ADAT1: variants seen among roughly 807,000 people sequenced by gnomAD.
ADAT1 encodes tRNA-specific adenosine deaminase 1.
A neutral mutation model predicts 58.6 loss-of-function variants in ADAT1; 58 were observed. That is an observed-to-expected ratio of 0.99 (90% CI 0.80 to 1.23). The LOEUF (loss-of-function observed/expected upper bound fraction) is 1.23. Ranked by LOEUF, ADAT1 falls within the 50% of genes most tolerant of loss-of-function variation. ADAT1 has a pLI of 0.00. For synonymous variants in ADAT1, 254 were observed against 220.8 expected (o/e 1.15, Z -1.33); for missense variants, 741 against 608.6 (o/e 1.22, Z -2.29).
intron 5 of ADAT1, among the ~76,000 whole-genome samples, chr16:75,615,460 G>T (rs1021264293): frequency 1.8e-5 from 1 of 55,802 alleles, no homozygotes; most frequent in Admixed American, 1.9e-4. Context: ...ATACACGAAC[G>T]CAAACGATAG....
At position 75,621,144 on chromosome 16, in the gene ADAT1, G is replaced by C. The variant is rs371638622; in HGVS notation, c.-21-324C>G. Among the ~76,000 whole-genome samples the C allele has an allele frequency of 3.9e-5, 6 of 152,040 alleles. No individual in the cohort carries two copies. The East Asian group carries it at 5.9e-4, about 15-fold the overall frequency. On this transcript the variant is annotated intron_variant, in intron 1 of 9. Coordinates refer to ENST00000564657, the MANE Select transcript of ADAT1 (RefSeq NM_001324445.2). ...AGAAGGAAATGTCCTCACTACTCCA[G>C]TTTTCACTGGAAACGGCATGTAAAG...
rs1158935675 is a variant in ADAT1, at chr16:75,599,211, AG to A, written c.*1004del. ...ATTCTCCTGCCTCAGCCTCCCGAGT[AG>A]CTAGGATTACAGGTGTGCGCCACCA... On this transcript the variant is annotated 3_prime_UTR_variant, in exon 10 of 10. Transcript: ENST00000564657. 1.2e-6 allele frequency: 1 copy of A among 855,754 alleles called. No homozygotes were observed. Among genetic ancestry groups the A allele is most frequent in the East Asian group, 1.2e-4 (1 of 8,008 alleles). 53.0% of individuals were successfully genotyped at this position (855,754 alleles called of 1,614,324 possible). A position where few individuals can be genotyped will look rare whatever the true frequency, so the allele number is the denominator to read the frequency against.
In ADAT1 at chr16:75,599,632, G is replaced by A; in HGVS notation, c.*584C>T. On this transcript the variant is annotated 3_prime_UTR_variant, in exon 10 of 10. Coordinates refer to ENST00000564657, the MANE Select transcript of ADAT1 (RefSeq NM_001324445.2). ...ACCCTTACAGCTCCAGATCAAAACAGAAAGCCTTTCCTGATACCTCTGAGA... is the reference window on the plus strand; with the variant it reads ...ACCCTTACAGCTCCAGATCAAAACAAAAAGCCTTTCCTGATACCTCTGAGA... 3 of 985,886 alleles carry A rather than the reference G, an allele frequency of 3.0e-6. No homozygotes were observed. The highest frequency in any genetic ancestry group is 2.4e-6 in the Non-Finnish European group (2 of 830,020). The allele number at this position is 985,886 out of a possible 1,614,324, so 61.1% of individuals were successfully genotyped here.
In ADAT1 at chr16:75,620,678, T is replaced by C. The variant is rs1178132720; in HGVS notation, c.122A>G (p.Gln41Arg). ...GTCGCAGGCCTTGTCAGCTGGAGATTGTATCTTCACCACCGCTGCCAATAA... is the reference window on the plus strand; with the variant it reads ...GTCGCAGGCCTTGTCAGCTGGAGATCGTATCTTCACCACCGCTGCCAATAA... ...WTLLAAVVKI[Q>R]SPADKACDTP... The change falls in exon 2 of 10, where the codon CAA becomes CGA. Residue 41 changes from glutamine to arginine, a missense_variant. Gln to Arg is a conservative substitution (Grantham distance 43). Transcript: ENST00000564657. 6.2e-7 allele frequency: 1 copy of C among 1,613,974 alleles called. No homozygotes were observed. The highest frequency in any genetic ancestry group is 1.7e-5 in the Admixed American group (1 of 60,026).
intron 8 of ADAT1, among the ~76,000 whole-genome samples, chr16:75,606,779 T>C (rs2081382816): frequency 6.6e-6 from 1 of 152,254 alleles, no homozygotes; most frequent in Non-Finnish European, 1.5e-5. Context: ...ATTGTTGTTT[T>C]AAGCTGTTAT....
chr16:75,618,147 A>C (rs1046216569), intron 4 of ADAT1, among the ~76,000 whole-genome samples: 1 of 149,126 alleles, frequency 6.7e-6, no homozygotes, highest in Non-Finnish European at 1.5e-5. Flanking sequence ...AGTCTAGACC[A>C]CATTACTACT....
chr16:75,618,054 C>T (rs2081793142), intron 4 of ADAT1, among the ~76,000 whole-genome samples: 2 of 124,962 alleles, frequency 1.6e-5, no homozygotes, highest in South Asian at 5.5e-4. Context: ...GCTGAGATCA[C>T]ATCACTGCAC....
At chr16:75,609,807 G>A (rs373215715) in intron 6 of ADAT1, among the ~76,000 whole-genome samples, 2 of 151,992 alleles carry the variant, frequency 1.3e-5, no homozygotes, top group Non-Finnish European at 2.9e-5. Context: ...GGTCTCAAGC[G>A]ATCCTCCCAC....
chr16:75,604,383 A>G (rs917663544), intron 8 of ADAT1, among the ~76,000 whole-genome samples: 6 of 140,642 alleles, frequency 4.3e-5, no homozygotes, highest in African/African-American at 1.6e-4. Flanking sequence ...CAGTGAGCCA[A>G]GACTGTCCCA....
chr16:75,615,608 G>A (rs1233889702), intron 5 of ADAT1, among the ~76,000 whole-genome samples: 3 of 151,574 alleles, frequency 2.0e-5, no homozygotes, highest in African/African-American at 7.3e-5. Context: ...TAGCCAGGCA[G>A]GCCGTGGGTT....
chr16:75,604,494 C>T lies in ADAT1; in HGVS notation c.1290-1323G>A, dbSNP rs1471153192. Among the ~76,000 whole-genome samples the T allele has an allele frequency of 2.8e-4, 35 of 126,882 alleles. 1 individual carries two copies. The South Asian group carries it at 0.01, about 38-fold the overall frequency. 83.2% of individuals were successfully genotyped at this position (126,882 alleles called of 152,430 possible). ...ATATATACACACACACACACACACA[C>T]ACACACACACACACACACACACACA... On this transcript the variant is annotated intron_variant, in intron 8 of 9. Transcript: ENST00000564657.
In ADAT1 at chr16:75,599,983, C is replaced by T; in HGVS notation, c.*233G>A. Reference sequence around the variant, plus strand: ...TTCATATTTTAGAGAAGCAATAAAACACAATGGAAGTCAGATAGTGAGGTC... The same window carrying T: ...TTCATATTTTAGAGAAGCAATAAAATACAATGGAAGTCAGATAGTGAGGTC... On this transcript the variant is annotated 3_prime_UTR_variant, in exon 10 of 10. Coordinates refer to ENST00000564657, the MANE Select transcript of ADAT1 (RefSeq NM_001324445.2). 1 of 1,261,190 alleles carries T rather than the reference C, an allele frequency of 7.9e-7. No homozygotes were observed. Among genetic ancestry groups the T allele is most frequent in the Non-Finnish European group, 1.0e-6 (1 of 1,000,078 alleles). The allele number at this position is 1,261,190 out of a possible 1,614,324, so 78.1% of individuals were successfully genotyped here. A position where few individuals can be genotyped will look rare whatever the true frequency, so the allele number is the denominator to read the frequency against.
intron 5 of ADAT1, among the ~76,000 whole-genome samples, chr16:75,615,134 G>A (rs2081658625): frequency 6.6e-6 from 1 of 151,602 alleles, no homozygotes; most frequent in Admixed American, 6.6e-5. Flanking sequence ...GGCCAAGGCA[G>A]GAGAATCGCC....
At position 75,612,680 on chromosome 16, in the gene ADAT1, C is replaced by A; in HGVS notation, c.606G>T (p.Gly202=). Residue 202 remains glycine, a synonymous_variant, in exon 6 of 10, where the codon GGG becomes GGT. Coordinates refer to ENST00000564657, the MANE Select transcript of ADAT1 (RefSeq NM_001324445.2). ...CGTTGGTGACCTCCCTGGCTGCAGT[C>A]CCAGGCTCAAGCCTCATCTTTTTGG... is the stretch of plus-strand genomic sequence containing the variant. ...PVTKKMRLEP[G]TAAREVTNGA... 6.2e-7 allele frequency: 1 copy of A among 1,614,026 alleles called. No homozygotes were observed. The highest frequency in any genetic ancestry group is 8.5e-7 in the Non-Finnish European group (1 of 1,180,012).
At chr16:75,617,402 A>T in intron 4 of ADAT1, 130 bp from the exon 5 acceptor site, 1 of 1,026,234 alleles carries the variant, frequency 9.7e-7, no homozygotes, top group East Asian at 2.5e-5. Flanking sequence ...AATTATGAGA[A>T]TGCTCTAGAC....
intron 5 of ADAT1, among the ~76,000 whole-genome samples, chr16:75,614,018 T>C (rs988967959): frequency 2.6e-5 from 4 of 152,040 alleles, no homozygotes; most frequent in Non-Finnish European, 4.4e-5. Context: ...GGTGAAACCC[T>C]GTCTCTACTA....
At chr16:75,613,884 G>A (rs1334847407) in intron 5 of ADAT1, among the ~76,000 whole-genome samples, 1 of 152,068 alleles carries the variant, frequency 6.6e-6, no homozygotes, top group Admixed American at 6.6e-5. Flanking sequence ...AAAAGTGGGT[G>A]GTTTATTTCA....
At chr16:75,619,842 C>T (rs921156678) in intron 3 of ADAT1, 5 of 288,298 alleles carry the variant, frequency 1.7e-5, no homozygotes, top group East Asian at 9.9e-5. Flanking sequence ...AGCAGTGAAT[C>T]GAGATTGCCC....
rs200300172 is a variant in ADAT1, at chr16:75,612,464, C to T, written c.822G>A (p.Pro274=). Residue 274 remains proline, a synonymous_variant, in exon 6 of 10, where the codon CCG becomes CCA. Transcript: ENST00000564657. The part of the protein sequence containing the change: ...VPGEAGDSGK[P]GAAFHQVGLL... The stretch of plus-strand genomic sequence containing the variant: ...GCCCCACCTGGTGAAACGCAGCACC[C>T]GGCTTTCCGGAGTCTCCAGCTTCTC... 1.3e-4 allele frequency: 204 copies of T among 1,614,192 alleles called. 3 individuals carry two copies. The South Asian group carries it at 1.6e-3, about 13-fold the overall frequency.
Sources: allele counts gnomAD v4.1 joint callset (sites outside exome capture counted in the v4.1 genomes callset), GRCh38; gene constraint gnomAD v4.1.1; transcripts MANE v1.5; gene names NCBI Gene and HGNC (gene_info 2026-07-23, HGNC 2026-07-21).